Variants in PRAMEF14 observed in about 807,000 individuals in gnomAD.
PRAMEF14 encodes PRAME family member 14.
A neutral mutation model predicts 38.3 loss-of-function variants in PRAMEF14; 24 were observed. That is an observed-to-expected ratio of 0.63 (90% CI 0.45 to 0.88). PRAMEF14 has a LOEUF of 0.88. PRAMEF14 is among the 40% of genes least tolerant of loss of function. PRAMEF14 has a pLI of 0.00. For synonymous variants in PRAMEF14, 194 were observed against 226.4 expected (o/e 0.86, Z 1.29); for missense variants, 477 against 570.8 (o/e 0.84, Z 1.67).
At position 13,345,086 on chromosome 1, in the gene PRAMEF14, T is replaced by C; in HGVS notation, c.229A>G (p.Thr77Ala). The stretch of plus-strand genomic sequence containing the variant: ...AGCCCTTCCAGCAATGCTTTTAAGG[T>C]CTCCAAATGAAGCGTCTTCATCAGT... ...GSLMKTLHLE[T>A]LKALLEGLHM... Residue 77 changes from threonine (T) to alanine (A), a missense_variant, in exon 2 of 4, where the codon ACC (threonine) becomes GCC (alanine). Transcript: ENST00000334600. 6.4e-7 allele frequency: 1 copy of C among 1,556,276 alleles called. No individual in the cohort carries two copies. Among genetic ancestry groups the C allele is most frequent in the South Asian group, 1.1e-5 (1 of 88,176 alleles).
chr1:13,343,784 C>G, intron 3 of PRAMEF14: 1 of 1,438,968 alleles, frequency 6.9e-7, no homozygotes, highest in Admixed American at 2.3e-5. Context: ...GAGCTGAAAC[C>G]CCCACTAACT....
chr1:13,344,595 C>A lies in PRAMEF14; in HGVS notation c.309G>T (p.Leu103=). Reference sequence around the variant, plus strand: ...AATTCTCATCAACATCCCGCAAATCCAGCACTTGAAGTTTCCACCTCCTGT... The same window carrying A: ...AATTCTCATCAACATCCCGCAAATCAAGCACTTGAAGTTTCCACCTCCTGT... ...DRPRRWKLQV[L]DLRDVDENFW... Residue 103 remains leucine (L), a synonymous_variant, in exon 3 of 4, where the codon CTG becomes CTT. Coordinates refer to ENST00000334600, the MANE Select transcript of PRAMEF14 (RefSeq NM_001024661.2). 1.2e-6 allele frequency: 2 copies of A among 1,604,232 alleles called. No individual in the cohort carries two copies. The highest frequency in any genetic ancestry group is 2.2e-5 in the South Asian group (2 of 90,438).
Position 13,345,325 on chromosome 1 carries a change from C to T in PRAMEF14, c.-11G>A, listed in dbSNP as rs1263627217. On this transcript the variant is annotated 5_prime_UTR_variant, in exon 2 of 4. Transcript: ENST00000334600. ...GGCCTGGATGCTCATCCTGATAGAT[C>T]TGCAAGAAAAATCTCTAGAAGACAA... 2 of 1,604,112 alleles carry T rather than the reference C, an allele frequency of 1.2e-6. No homozygotes were observed. Among genetic ancestry groups the T allele is most frequent in the Non-Finnish European group, 1.7e-6 (2 of 1,176,978 alleles).
At position 13,342,796 on chromosome 1, in the gene PRAMEF14, C is replaced by A; in HGVS notation, c.1157G>T (p.Arg386Ile). ...CAGGGCACCCATAGACATACAATTT[C>A]TGCCAAAGTAGAAGGTGGTGAGCTG... ...CSQLTTFYFG[R>I]NCMSMGALKD... The change falls in exon 4 of 4, where the codon AGA (arginine) becomes ATA (isoleucine). Residue 386 changes from arginine to isoleucine, a missense_variant. Physicochemically the swap from Arg to Ile is moderately conservative, Grantham distance 97 (BLOSUM62 -3). Around this residue, in one of 4 missense-constraint regions of PRAMEF14, gnomAD observed 151 missense variants for 137.4 expected, o/e 1.10. Coordinates refer to ENST00000334600, the MANE Select transcript of PRAMEF14 (RefSeq NM_001024661.2). The A allele has an allele frequency of 1.2e-6, 2 of 1,606,100 alleles. No homozygotes were observed. Among genetic ancestry groups the A allele is most frequent in the Non-Finnish European group, 1.7e-6 (2 of 1,178,302 alleles).
intron 1 of PRAMEF14, 125 bp downstream of exon 1, chr1:13,346,932 C>A (rs1342919826): frequency 1.3e-5 from 2 of 149,620 alleles, no homozygotes; most frequent in Admixed American, 6.7e-5. Context: ...AAATGAAAGC[C>A]TAAATCTGTT....
intron 3 of PRAMEF14, chr1:13,343,513 C>T: frequency 1.6e-6 from 2 of 1,251,142 alleles, no homozygotes; most frequent in Non-Finnish European, 1.1e-6. Context: ...ACTCTCACGC[C>T]TACTCCCTCA....
intron 2 of PRAMEF14, among the ~76,000 whole-genome samples, 200 bp downstream of exon 2, chr1:13,344,828 G>C (rs1178506272): frequency 6.7e-6 from 1 of 150,350 alleles, no homozygotes; most frequent in African/African-American, 2.4e-5. Context: ...GTAAAGGCAG[G>C]TTTCTGTTCC....
intron 3 of PRAMEF14, 108 bp downstream of exon 3, chr1:13,343,930 A>C (rs1306447726): frequency 1.9e-6 from 3 of 1,540,552 alleles, no homozygotes; most frequent in Non-Finnish European, 2.7e-6. Flanking sequence ...TGTCCCCTTC[A>C]CTGTGACGTT....
chr1:13,345,754 A>C (rs1640394841), intron 1 of PRAMEF14, among the ~76,000 whole-genome samples: 1 of 150,344 alleles, frequency 6.7e-6, no homozygotes. Context: ...CTGTAATCCC[A>C]ACACTGCTGG....
rs1344206327 is a variant in PRAMEF14 at position 13,344,525 on chromosome 1, C to G, written c.379G>C (p.Glu127Gln). The G allele has an allele frequency of 1.9e-6, 3 of 1,607,226 alleles. No homozygotes were observed. The African/African-American group carries it at 4.0e-5, about 22-fold the overall frequency. The change falls in exon 3 of 4, where the codon GAG becomes CAG. Residue 127 changes from glutamate to glutamine, a missense_variant. By Grantham distance (29) the Glu-to-Gln change is conservative (BLOSUM62 2). Around this residue, in one of 4 missense-constraint regions of PRAMEF14, gnomAD observed 234 missense variants for 247.4 expected, o/e 0.95. Transcript: ENST00000334600. ...GCTGTCTGCCTCTTACTCATGGTCT[C>G]TGGGAAGCAGGACAGGGCCCAGGCT... is the stretch of plus-strand genomic sequence containing the variant. ...PGAWALSCFP[E>Q]TMSKRQTAED...
chr1:13,346,491 T>C (rs1299630893), intron 1 of PRAMEF14, among the ~76,000 whole-genome samples: 2 of 149,912 alleles, frequency 1.3e-5, no homozygotes, highest in African/African-American at 4.9e-5. Flanking sequence ...TGGGCAACAA[T>C]AGGGAAACTC....
chr1:13,344,424 C>T lies in PRAMEF14; in HGVS notation c.480G>A (p.Gln160=). ...GAAAGAGGTATCTCAGGCATTCATC[C>T]TGGGGTATTTCCTTGAGGCAGATGT... ...FIDICLKEIP[Q]DECLRYLFQW... The change falls in exon 3 of 4, where the codon CAG becomes CAA. Residue 160 remains glutamine, a synonymous_variant. Transcript: ENST00000334600. 6.2e-7 allele frequency: 1 copy of T among 1,605,018 alleles called. No individual in the cohort carries two copies. Among genetic ancestry groups the T allele is most frequent in the South Asian group, 1.1e-5 (1 of 90,504 alleles).
chr1:13,346,257 C>T (rs1200798192), intron 1 of PRAMEF14, among the ~76,000 whole-genome samples: 6 of 151,430 alleles, frequency 4.0e-5, no homozygotes, highest in African/African-American at 1.2e-4. Context: ...CCTGTAATCC[C>T]AGCACTTTGG....
intron 1 of PRAMEF14, among the ~76,000 whole-genome samples, 187 bp downstream of exon 1, chr1:13,346,870 C>T (rs1640410755): frequency 1.3e-5 from 2 of 150,278 alleles, no homozygotes; most frequent in South Asian, 4.3e-4. Context: ...ATGACAAAAA[C>T]TAAGCACAAA....
chr1:13,342,920 C>G lies in PRAMEF14; in HGVS notation c.1033G>C (p.Glu345Gln). ...ISLEPLGALL[E>Q]KIAASLETLI... The stretch of plus-strand genomic sequence containing the variant: ...GTTTCGAGAGAGGCAGCAATTTTCT[C>G]TAGCAGAGCTCCGAGGGGTTCAAGA... The change falls in exon 4 of 4, where the codon GAG becomes CAG. Residue 345 changes from glutamate (E) to glutamine (Q), a missense_variant. Physicochemically the swap from Glu to Gln is conservative, Grantham distance 29 (BLOSUM62 2). This residue lies in a region of PRAMEF14 where 34 missense variants were observed against 66.1 expected (regional missense o/e 0.51). Coordinates refer to ENST00000334600, the MANE Select transcript of PRAMEF14 (RefSeq NM_001024661.2). The G allele has an allele frequency of 6.2e-7, 1 of 1,607,864 alleles. No individual in the cohort carries two copies. Among genetic ancestry groups the G allele is most frequent in the Non-Finnish European group, 8.5e-7 (1 of 1,178,068 alleles).
chr1:13,342,802 A>G lies in PRAMEF14; in HGVS notation c.1151T>C (p.Phe384Ser). Residue 384 changes from phenylalanine to serine, a missense_variant, in exon 4 of 4, where the codon TTT becomes TCT. Phe to Ser is a radical substitution (Grantham distance 155). Transcript: ENST00000334600. ...ACCCATAGACATACAATTTCTGCCA[A>G]AGTAGAAGGTGGTGAGCTGGGAGCA... ...SHCSQLTTFY[F>S]GRNCMSMGAL... The G allele has an allele frequency of 3.1e-6, 5 of 1,606,934 alleles. No homozygotes were observed. Among genetic ancestry groups the G allele is most frequent in the Non-Finnish European group, 4.2e-6 (5 of 1,178,716 alleles).
chr1:13,343,690 C>T, intron 3 of PRAMEF14: 1 of 1,354,716 alleles, frequency 7.4e-7, no homozygotes, highest in Admixed American at 2.3e-5. Context: ...TCCCTCCTTT[C>T]ATACCCTCCT....
At position 13,345,513 on chromosome 1, in the gene PRAMEF14, C is replaced by T. The variant is rs1477105557; in HGVS notation, c.-25-174G>A. Among the ~76,000 whole-genome samples the T allele has an allele frequency of 2.4e-4, 36 of 149,390 alleles. 1 individual carries two copies. The highest frequency in any genetic ancestry group is 2.7e-4 in the Admixed American group (4 of 14,930). ...TGAATCCCAGAACCACCGGACACTG[C>T]CACTGAGGATCCTGAAAGCCAAGCT... On this transcript the variant is annotated intron_variant, in intron 1 of 3. Coordinates refer to ENST00000334600, the MANE Select transcript of PRAMEF14 (RefSeq NM_001024661.2).
Position 13,344,294 on chromosome 1 carries a change from G to T in PRAMEF14, c.610C>A (p.Leu204Met). The change falls in exon 3 of 4, where the codon CTG becomes ATG. Residue 204 changes from leucine to methionine, a missense_variant. Leu to Met is a conservative substitution (Grantham distance 15). Coordinates refer to ENST00000334600, the MANE Select transcript of PRAMEF14 (RefSeq NM_001024661.2). ...ATTTCCAGCTGTTGAATACTATTCAGGTATATTATTTTCAATGACTTTCTG... is the reference window on the plus strand; with the variant it reads ...ATTTCCAGCTGTTGAATACTATTCATGTATATTATTTTCAATGACTTTCTG... ...HLRKSLKIIY[L>M]NSIQQLEIRN... 1.9e-6 allele frequency: 3 copies of T among 1,606,474 alleles called. No homozygotes were observed. The highest frequency in any genetic ancestry group is 1.7e-6 in the Non-Finnish European group (2 of 1,177,064).
Sources: allele counts gnomAD v4.1 joint callset (sites outside exome capture counted in the v4.1 genomes callset), GRCh38; gene constraint gnomAD v4.1.1; regional missense constraint gnomAD v4.1.1; transcripts MANE v1.5; gene names NCBI Gene and HGNC (gene_info 2026-07-23, HGNC 2026-07-21).